Variants in L3MBTL4 observed in about 807,000 individuals in gnomAD.
The protein encoded by L3MBTL4 is L3MBTL histone methyl-lysine binding protein 4.
L3MBTL4 carries 70 observed loss-of-function variants against 84.5 expected under a neutral mutation model. The observed-to-expected ratio is 0.83, with a 90% CI of 0.68 to 1.01. L3MBTL4 has a LOEUF of 1.01. Among genes scored for constraint, L3MBTL4 ranks in the 50% least tolerant of loss-of-function variants. L3MBTL4 has a pLI of 0.00. For missense variants in L3MBTL4, 715 were observed against 754.8 expected, an observed-to-expected ratio of 0.95 and a Z score of 0.62; for synonymous variants, 274 against 259.8, an observed-to-expected ratio of 1.05 and a Z score of -0.52.
intron 14 of L3MBTL4, among the ~76,000 whole-genome samples, chr18:6,117,419 G>C (rs951509852): frequency 5.9e-5 from 9 of 152,166 alleles, no homozygotes; most frequent in African/African-American, 1.7e-4. Flanking sequence ...ACCTCCCAGA[G>C]AGAGCTGAGG....
chr18:5,992,134 C>A (rs532172324), intron 16 of L3MBTL4, among the ~76,000 whole-genome samples: 1 of 152,142 alleles, frequency 6.6e-6, no homozygotes, highest in Non-Finnish European at 1.5e-5. Context: ...TGGAAAGAAT[C>A]GGTTGCAGCA....
chr18:6,070,651 T>TACAAAAA (rs201701840), intron 16 of L3MBTL4, among the ~76,000 whole-genome samples: 1 of 151,552 alleles, frequency 6.6e-6, no homozygotes, highest in Non-Finnish European at 1.5e-5. Context: ...ATCCCATCTT[T>TACAAAAA]ACAAAAAACA....
chr18:6,082,622 C>G (rs1254318689), intron 15 of L3MBTL4, among the ~76,000 whole-genome samples: 2 of 152,108 alleles, frequency 1.3e-5, no homozygotes, highest in African/African-American at 4.8e-5. Flanking sequence ...AAGCCCCCTT[C>G]TGCAATATAT....
At chr18:5,983,978 C>T (rs1039710285) in intron 16 of L3MBTL4, among the ~76,000 whole-genome samples, 1 of 152,182 alleles carries the variant, frequency 6.6e-6, no homozygotes, top group African/African-American at 2.4e-5. Flanking sequence ...ATTATGTAAT[C>T]TAGGCTCACT....
chr18:6,408,317 A>T (rs908886933), intron 1 of L3MBTL4, among the ~76,000 whole-genome samples: 3 of 152,226 alleles, frequency 2.0e-5, no homozygotes, highest in Non-Finnish European at 2.9e-5. Flanking sequence ...GTAAATAAGA[A>T]AAAACAATCT....
intron 14 of L3MBTL4, among the ~76,000 whole-genome samples, chr18:6,114,474 T>C (rs1034943004): frequency 7.9e-5 from 12 of 152,370 alleles, no homozygotes; most frequent in Middle Eastern, 6.8e-3. Flanking sequence ...ATATATTTTG[T>C]ATACTTTCAA....
At chr18:6,186,923 C>T (rs536004642) in intron 12 of L3MBTL4, among the ~76,000 whole-genome samples, 1 of 152,250 alleles carries the variant, frequency 6.6e-6, no homozygotes, top group East Asian at 1.9e-4. Context: ...AGACAGAAGG[C>T]TCTGCTCAGA....
chr18:6,166,679 G>A (rs1482268925), intron 13 of L3MBTL4, among the ~76,000 whole-genome samples: 5 of 152,064 alleles, frequency 3.3e-5, no homozygotes, highest in Non-Finnish European at 7.4e-5. Flanking sequence ...ATTCAAAGCA[G>A]TGTGTAGAGG....
chr18:6,385,490 A>G (rs570175936), intron 1 of L3MBTL4, among the ~76,000 whole-genome samples: 3 of 152,292 alleles, frequency 2.0e-5, no homozygotes, highest in Non-Finnish European at 4.4e-5. Context: ...AACAGAGGAA[A>G]CAGAGATGAC....
chr18:6,215,979 A>G lies in L3MBTL4; in HGVS notation c.785-144T>C, dbSNP rs568380520. The G allele has an allele frequency of 4.6e-4, 236 of 507,884 alleles. 1 individual carries two copies. The highest frequency in any genetic ancestry group is 1.0e-3 in the Middle Eastern group (2 of 1,918). The allele number at this position is 507,884 out of a possible 1,614,324, so 31.5% of individuals were successfully genotyped here. ...ACCTGATGCTAAGAACTTCAGATATATTAATTCACTTAACCATAACCTCTG... is the reference window on the plus strand; with the variant it reads ...ACCTGATGCTAAGAACTTCAGATATGTTAATTCACTTAACCATAACCTCTG... On this transcript the variant is annotated intron_variant, in intron 10 of 18. Transcript: ENST00000317931.
chr18:6,153,549 C>T (rs1243331238), intron 13 of L3MBTL4, among the ~76,000 whole-genome samples: 1 of 151,924 alleles, frequency 6.6e-6, no homozygotes, highest in African/African-American at 2.4e-5. Context: ...GATTTTGTAT[C>T]CTGCAACTTT....
At chr18:6,228,230 A>G (rs1303647259) in intron 10 of L3MBTL4, among the ~76,000 whole-genome samples, 2 of 152,260 alleles carry the variant, frequency 1.3e-5, no homozygotes, top group Middle Eastern at 3.4e-3. Flanking sequence ...TCCAAACAAA[A>G]ATCAAACCTT....
chr18:5,957,773 T>A (rs1420561334), intron 18 of L3MBTL4, among the ~76,000 whole-genome samples: 1 of 151,480 alleles, frequency 6.6e-6, no homozygotes, highest in African/African-American at 2.4e-5. Flanking sequence ...CTGGCCAACA[T>A]GGTGAGACCC....
In L3MBTL4 at chr18:6,202,734, G is replaced by A. The variant is rs114268406; in HGVS notation, c.981+10415C>T. 2.6e-3 allele frequency among the ~76,000 whole-genome samples: 395 copies of A among 152,260 alleles called. 1 individual carries two copies. The highest frequency in any genetic ancestry group is 9.2e-3 in the African/African-American group (381 of 41,546). On this transcript the variant is annotated intron_variant, in intron 12 of 18. Coordinates refer to ENST00000317931, the MANE Select transcript of L3MBTL4 (RefSeq NM_001330559.2). The stretch of plus-strand genomic sequence containing the variant: ...GGTTTCTGTTTTAAGCAATTTGGTA[G>A]ATCAGGCTACCGTTTACTAAGCTGA...
intron 16 of L3MBTL4, among the ~76,000 whole-genome samples, chr18:6,011,939 C>T (rs1438226288): frequency 2.0e-5 from 3 of 152,240 alleles, no homozygotes; most frequent in Non-Finnish European, 2.9e-5. Flanking sequence ...GCCTGGGCTG[C>T]TTTTCCGATT....
chr18:6,089,237 A>T (rs1281444375), intron 15 of L3MBTL4, among the ~76,000 whole-genome samples: 1 of 152,150 alleles, frequency 6.6e-6, no homozygotes, highest in African/African-American at 2.4e-5. Context: ...ATGACTCATT[A>T]TATTCTCTTG....
At chr18:6,126,312 T>C (rs2059692892) in intron 14 of L3MBTL4, among the ~76,000 whole-genome samples, 1 of 152,226 alleles carries the variant, frequency 6.6e-6, no homozygotes, top group South Asian at 2.1e-4. Flanking sequence ...TTGCAATATT[T>C]CTAACTTTTT....
chr18:6,055,197 T>G (rs900698907), intron 16 of L3MBTL4, among the ~76,000 whole-genome samples: 5 of 152,232 alleles, frequency 3.3e-5, no homozygotes, highest in African/African-American at 1.2e-4. Context: ...TTCCTAGATG[T>G]TCATGATGTT....
chr18:6,218,667 A>G (rs762026416), intron 10 of L3MBTL4, among the ~76,000 whole-genome samples: 4 of 152,182 alleles, frequency 2.6e-5, no homozygotes, highest in Non-Finnish European at 5.9e-5. Context: ...CTCAGAAATG[A>G]GCTATGTACA....
Sources: gnomAD v4.1 joint callset for allele counts (sites outside exome capture counted in the v4.1 genomes callset) on GRCh38, gnomAD v4.1.1 for gene constraint, MANE v1.5 for transcripts, NCBI Gene and HGNC (gene_info 2026-07-23, HGNC 2026-07-21) for gene names.